The following STT3B variants were observed in gnomAD, a reference collection of about 807,000 sequenced individuals.
The protein encoded by STT3B is STT3 oligosaccharyltransferase complex catalytic subunit B, also known as dolichyl-diphosphooligosaccharide--protein glycosyltransferase subunit STT3B.
In STT3B, 29 loss-of-function variants were observed where a neutral mutation model predicts 96.8. The observed-to-expected ratio is 0.30, with a 90% CI of 0.22 to 0.41. The LOEUF (loss-of-function observed/expected upper bound fraction) is 0.41. Among genes scored for constraint, STT3B ranks in the 10% least tolerant of loss-of-function variants. The probability of loss-of-function intolerance (pLI) is 1.00; values close to 1 mark genes in which losing one functional copy is unlikely to be tolerated. For synonymous variants in STT3B, 367 were observed against 360.0 expected (o/e 1.02, Z -0.22); for missense variants, 640 against 1,022.3 (o/e 0.63, Z 5.10).
intron 5 of STT3B, among the ~76,000 whole-genome samples, chr3:31,606,004 G>C (rs535732287): frequency 3.9e-4 from 60 of 152,330 alleles, no homozygotes; most frequent in Non-Finnish European, 7.9e-4. Flanking sequence ...CTCTTGGTAT[G>C]TTTTAACAAA....
At chr3:31,568,361 C>T (rs1247457163) in intron 1 of STT3B, among the ~76,000 whole-genome samples, 1 of 152,120 alleles carries the variant, frequency 6.6e-6, no homozygotes, top group African/African-American at 2.4e-5. Flanking sequence ...GATTTTCTTT[C>T]TTTGGATATG....
chr3:31,586,696 A>G (rs538811120), intron 3 of STT3B, among the ~76,000 whole-genome samples: 7 of 152,188 alleles, frequency 4.6e-5, no homozygotes, highest in African/African-American at 1.4e-4. Context: ...GAATATATAC[A>G]TATGGGTCTG....
intron 1 of STT3B, among the ~76,000 whole-genome samples, chr3:31,569,573 A>G (rs1405761686): frequency 6.6e-6 from 1 of 152,172 alleles, no homozygotes; most frequent in African/African-American, 2.4e-5. Flanking sequence ...AACTACCACC[A>G]AATATACTTA....
intron 5 of STT3B, among the ~76,000 whole-genome samples, chr3:31,603,868 T>C (rs1455220255): frequency 2.0e-5 from 3 of 152,180 alleles, no homozygotes; most frequent in Non-Finnish European, 4.4e-5. Context: ...AAAATGTTAA[T>C]TAAAAGCAGA....
intron 1 of STT3B, among the ~76,000 whole-genome samples, chr3:31,536,362 A>G (rs1227642785): frequency 1.3e-5 from 2 of 152,186 alleles, no homozygotes; most frequent in Non-Finnish European, 2.9e-5. Context: ...ACAGACCTTT[A>G]ATAATATTTA....
intron 3 of STT3B, among the ~76,000 whole-genome samples, chr3:31,589,357 G>A (rs1400956947): frequency 1.3e-5 from 2 of 151,768 alleles, no homozygotes; most frequent in African/African-American, 2.4e-5. Flanking sequence ...ATTCTTTGGG[G>A]TCTTTTACGT....
chr3:31,617,886 AT>A, intron 7 of STT3B, 53 bp from the exon 8 acceptor site: 2 of 1,229,254 alleles, frequency 1.6e-6, no homozygotes, highest in South Asian at 2.5e-5. Flanking sequence ...GCAATAAAAG[AT>A]TTACAAAATA....
At chr3:31,603,061 C>A (rs1440505175) in intron 5 of STT3B, among the ~76,000 whole-genome samples, 2 of 151,912 alleles carry the variant, frequency 1.3e-5, no homozygotes, top group East Asian at 3.9e-4. Flanking sequence ...ACGTAACATC[C>A]TTTGTCTTTT....
chr3:31,579,793 A>ATTTTTTTT lies in STT3B; in HGVS notation c.424-9_424-8insTTTTTTTT. Reference sequence around the variant, plus strand: ...CATTTTATATGTAATTAAATTTTCCATTTTTTTCTTCCTAGGTTTACCCAG... The same window carrying ATTTTTTTT: ...CATTTTATATGTAATTAAATTTTCCATTTTTTTTTTTTTTTCTTCCTAGGTTTACCCAG... On this transcript the variant is annotated splice_polypyrimidine_tract_variant and intron_variant, in intron 2 of 15. Coordinates refer to ENST00000295770, the MANE Select transcript of STT3B (RefSeq NM_178862.3). 1 of 1,581,946 alleles carries ATTTTTTTT rather than the reference A, an allele frequency of 6.3e-7. No homozygotes were observed. The highest frequency in any genetic ancestry group is 1.2e-5 in the South Asian group (1 of 86,686).
intron 6 of STT3B, among the ~76,000 whole-genome samples, 156 bp downstream of exon 6, chr3:31,615,359 A>T (rs1699283150): frequency 6.6e-6 from 1 of 151,928 alleles, no homozygotes; most frequent in Admixed American, 6.6e-5. Context: ...TAAAAATTTT[A>T]TCAGAGATTC....
intron 1 of STT3B, among the ~76,000 whole-genome samples, chr3:31,540,643 C>T (rs1159610974): frequency 6.6e-6 from 1 of 152,066 alleles, no homozygotes; most frequent in Admixed American, 6.5e-5. Context: ...TGTCCCCTGC[C>T]TCCCCGCCCC....
At chr3:31,570,894 C>A (rs1698120303) in intron 1 of STT3B, among the ~76,000 whole-genome samples, 1 of 151,870 alleles carries the variant, frequency 6.6e-6, no homozygotes, top group Admixed American at 6.6e-5. Context: ...GACCAGATAC[C>A]CTGGGGGATC....
At chr3:31,614,590 C>T (rs1699262113) in intron 5 of STT3B, among the ~76,000 whole-genome samples, 1 of 151,770 alleles carries the variant, frequency 6.6e-6, no homozygotes, top group South Asian at 2.1e-4. Flanking sequence ...ACTTGGTGGA[C>T]ATATGAATTT....
intron 1 of STT3B, among the ~76,000 whole-genome samples, chr3:31,570,522 G>A (rs184639065): frequency 6.6e-6 from 1 of 152,278 alleles, no homozygotes; most frequent in Non-Finnish European, 1.5e-5. Flanking sequence ...TATGTAGACA[G>A]AGCCAAGGGC....
In STT3B at chr3:31,619,661, C is replaced by CT. The variant is rs1282060029; in HGVS notation, c.1173-9dup. 3 of 1,596,758 alleles carry CT rather than the reference C, an allele frequency of 1.9e-6. No homozygotes were observed. Among genetic ancestry groups the CT allele is most frequent in the Non-Finnish European group, 1.7e-6 (2 of 1,171,956 alleles). On this transcript the variant is annotated splice_polypyrimidine_tract_variant and intron_variant, in intron 8 of 15. Transcript: ENST00000295770. ...ATCACTTAATTGTAAACAATATTAA[C>CT]TTTTTTAATACCAGGTATGCAAAAA... is the stretch of plus-strand genomic sequence containing the variant.
chr3:31,620,442 G>T (rs1370872657), intron 9 of STT3B: 1 of 152,094 alleles, frequency 6.6e-6, no homozygotes, highest in Non-Finnish European at 1.5e-5. Context: ...TGTTTTCTGA[G>T]TAAAATTTTA....
chr3:31,540,944 C>T (rs1336548209), intron 1 of STT3B, among the ~76,000 whole-genome samples: 1 of 152,102 alleles, frequency 6.6e-6, no homozygotes, highest in African/African-American at 2.4e-5. Flanking sequence ...CTTAAAATAC[C>T]AGTAACACCT....
At chr3:31,577,815 G>GT (rs1026005317) in intron 2 of STT3B, among the ~76,000 whole-genome samples, 2 of 152,116 alleles carry the variant, frequency 1.3e-5, no homozygotes, top group Non-Finnish European at 2.9e-5. Flanking sequence ...ATTATCTGCA[G>GT]TTCTTGTGGT....
intron 3 of STT3B, among the ~76,000 whole-genome samples, chr3:31,585,296 T>C (rs1407889673): frequency 6.6e-6 from 1 of 152,096 alleles, no homozygotes; most frequent in Non-Finnish European, 1.5e-5. Flanking sequence ...CTTGGTTTGA[T>C]TTCCAGCTCT....
Sources: allele counts gnomAD v4.1 joint callset (sites outside exome capture counted in the v4.1 genomes callset), GRCh38; gene constraint gnomAD v4.1.1; transcripts MANE v1.5; gene names NCBI Gene and HGNC (gene_info 2026-07-23, HGNC 2026-07-21).